The following SRGAP1 variants were observed in gnomAD, a reference collection of about 807,000 sequenced individuals.
The protein encoded by SRGAP1 is SLIT-ROBO Rho GTPase-activating protein 1.
A neutral mutation model predicts 121.9 loss-of-function variants in SRGAP1; 43 were observed. The observed-to-expected ratio is 0.35, with a 90% CI of 0.28 to 0.46. The LOEUF (loss-of-function observed/expected upper bound fraction) is 0.46, where lower values mean the gene tolerates loss of function less well. Ranked by LOEUF, SRGAP1 falls within the 20% of genes least tolerant of loss-of-function variation. The pLI, the probability that SRGAP1 is intolerant of heterozygous loss-of-function variation, is 1.00. For synonymous variants in SRGAP1, 447 were observed against 485.4 expected (o/e 0.92, Z 1.04); for missense variants, 1,102 against 1,350.9 (o/e 0.82, Z 2.89).
Position 64,159,190 on chromosome 12 carries a change from G to C in SRGAP1, c.*16518G>C, listed in dbSNP as rs966239751. ...TTTTAAAAAACTAGCTGTAGGGCAG[G>C]CACGGTGGTTCACACCTGTAATCCC... On this transcript the variant is annotated 3_prime_UTR_variant, in exon 22 of 22. Transcript: ENST00000355086. 6.6e-6 allele frequency: 1 copy of C among 152,578 alleles called. No homozygotes were observed. The highest frequency in any genetic ancestry group is 1.5e-5 in the Non-Finnish European group (1 of 68,398). The allele number at this position is 152,578 out of a possible 1,614,324, so 9.5% of individuals were successfully genotyped here.
chr12:64,095,335 T>A, intron 14 of SRGAP1, 131 bp downstream of exon 14: 1 of 710,212 alleles, frequency 1.4e-6, no homozygotes, highest in Non-Finnish European at 2.4e-6. Flanking sequence ...GGTGCAGCAG[T>A]AAGAATCCAT....
chr12:63,888,062 A>T (rs1332737500), intron 1 of SRGAP1: 1 of 152,180 alleles, frequency 6.6e-6, no homozygotes, highest in Non-Finnish European at 1.5e-5. Flanking sequence ...AAATGTTGGC[A>T]TAGAGTTTAT....
chr12:63,973,640 T>A (rs889465690), intron 1 of SRGAP1, among the ~76,000 whole-genome samples: 1 of 152,188 alleles, frequency 6.6e-6, no homozygotes, highest in African/African-American at 2.4e-5. Context: ...GTAGACATTT[T>A]AAAATTGGAA....
intron 1 of SRGAP1, among the ~76,000 whole-genome samples, chr12:63,861,092 T>C (rs1899429956): frequency 6.6e-6 from 1 of 151,416 alleles, no homozygotes; most frequent in Non-Finnish European, 1.5e-5. Context: ...TTTTATTTAA[T>C]TTCTCAGTTA....
Position 64,016,409 on chromosome 12 carries a change from C to T in SRGAP1, c.427-541C>T, listed in dbSNP as rs374845763. The stretch of plus-strand genomic sequence containing the variant: ...GGCTGAGGTGGGAGGATTGCTTGAA[C>T]CCAGGGGTTCAAGGTTGCGGTGAGC... On this transcript the variant is annotated intron_variant, in intron 3 of 21. Coordinates refer to ENST00000355086, the MANE Select transcript of SRGAP1 (RefSeq NM_020762.4). Among the ~76,000 whole-genome samples the T allele has an allele frequency of 6.6e-5, 10 of 152,236 alleles. No individual in the cohort carries two copies. The East Asian group carries it at 1.9e-3, about 29-fold the overall frequency.
At chr12:63,894,424 C>T (rs1308611092) in intron 1 of SRGAP1, among the ~76,000 whole-genome samples, 6 of 152,022 alleles carry the variant, frequency 3.9e-5, no homozygotes, top group African/African-American at 9.7e-5. Context: ...AGTCTCTTCG[C>T]TCATTGTAGC....
chr12:64,115,844 G>A lies in SRGAP1; in HGVS notation c.2175G>A (p.Leu725=). 6.2e-7 allele frequency: 1 copy of A among 1,613,722 alleles called. No homozygotes were observed. Residue 725 remains leucine, a synonymous_variant, in exon 18 of 22, where the codon TTG becomes TTA. Coordinates refer to ENST00000355086, the MANE Select transcript of SRGAP1 (RefSeq NM_020762.4). ...CDSPYSEHGT[L]EEVDQDAGTE... ...GCCCATACAGTGAGCACGGTACATTGGAGGAAGTGGACCAAGATGCTGGTA... is the reference window on the plus strand; with the variant it reads ...GCCCATACAGTGAGCACGGTACATTAGAGGAAGTGGACCAAGATGCTGGTA...
intron 8 of SRGAP1, among the ~76,000 whole-genome samples, chr12:64,071,022 A>G (rs1365133413): frequency 6.6e-6 from 1 of 152,136 alleles, no homozygotes; most frequent in Non-Finnish European, 1.5e-5. Flanking sequence ...TACTGATTTA[A>G]GTATCTTTGA....
intron 1 of SRGAP1, among the ~76,000 whole-genome samples, chr12:63,935,253 C>T (rs1054340617): frequency 3.2e-4 from 49 of 152,150 alleles, no homozygotes; most frequent in Admixed American, 2.5e-3. Flanking sequence ...CTTTATGCCT[C>T]GTGGAATTGT....
At chr12:63,936,145 GCAGGACGTA>G (rs2031654931) in intron 1 of SRGAP1, among the ~76,000 whole-genome samples, 3 of 152,116 alleles carry the variant, frequency 2.0e-5, no homozygotes, top group African/African-American at 7.2e-5. Flanking sequence ...CCAACAGTGT[GCAGGACGTA>G]CCAAATGAGA....
intron 10 of SRGAP1, among the ~76,000 whole-genome samples, chr12:64,084,190 G>T (rs1276021364): frequency 6.6e-6 from 1 of 152,082 alleles, no homozygotes; most frequent in Non-Finnish European, 1.5e-5. Context: ...TTAACTATAT[G>T]TAGGAGATAA....
At chr12:64,024,169 C>T (rs755536499) in intron 4 of SRGAP1, among the ~76,000 whole-genome samples, 1 of 152,134 alleles carries the variant, frequency 6.6e-6, no homozygotes, top group Non-Finnish European at 1.5e-5. Flanking sequence ...TGGTGATTCA[C>T]GTCTGTAATC....
At chr12:64,126,634 T>C (rs1178669589) in intron 19 of SRGAP1, among the ~76,000 whole-genome samples, 2 of 152,168 alleles carry the variant, frequency 1.3e-5, no homozygotes, top group African/African-American at 4.8e-5. Flanking sequence ...AGTCATAACA[T>C]ATTAAGTGAA....
At chr12:63,958,902 A>G (rs554846886) in intron 1 of SRGAP1, among the ~76,000 whole-genome samples, 27 of 152,296 alleles carry the variant, frequency 1.8e-4, no homozygotes, top group African/African-American at 6.5e-4. Context: ...AGTCCCATTT[A>G]TGTAAAGCAT....
intron 10 of SRGAP1, chr12:64,081,392 T>C (rs2035836474): frequency 6.6e-6 from 1 of 151,706 alleles, no homozygotes; most frequent in Non-Finnish European, 1.5e-5. Context: ...CCTCAGGGAA[T>C]GACCACATGG....
chr12:63,923,455 A>T (rs980770904), intron 1 of SRGAP1, among the ~76,000 whole-genome samples: 1 of 152,138 alleles, frequency 6.6e-6, no homozygotes, highest in Admixed American at 6.5e-5. Flanking sequence ...ATCTGTTGTA[A>T]TTTTTTTAAC....
intron 7 of SRGAP1, among the ~76,000 whole-genome samples, chr12:64,064,707 C>T (rs541463203): frequency 1.3e-5 from 2 of 152,318 alleles, no homozygotes; most frequent in Admixed American, 6.5e-5. Flanking sequence ...GTACAACTGA[C>T]GGACTCGAGA....
At position 64,097,238 on chromosome 12, in the gene SRGAP1, TAG is replaced by T; in HGVS notation, c.1679-2_1679-1del. 1 of 1,567,978 alleles carries T rather than the reference TAG, an allele frequency of 6.4e-7. No individual in the cohort carries two copies. The highest frequency in any genetic ancestry group is 8.6e-7 in the Non-Finnish European group (1 of 1,168,266). On this transcript the variant is annotated splice_acceptor_variant, in intron 14 of 21. Coordinates refer to ENST00000355086, the MANE Select transcript of SRGAP1 (RefSeq NM_020762.4). LOFTEE classifies it high-confidence loss of function. ...ATGTAATGAGTTTTTTTTTTTTTTT[TAG>T]GTGAAAATCCTTTGGCTGATGACCA...
chr12:63,878,487 A>G (rs1398524669), intron 1 of SRGAP1, among the ~76,000 whole-genome samples: 1 of 152,168 alleles, frequency 6.6e-6, no homozygotes, highest in Non-Finnish European at 1.5e-5. Flanking sequence ...ATTGTTCATT[A>G]CTTCATTCCT....
Sources: gnomAD v4.1 joint callset for allele counts (sites outside exome capture counted in the v4.1 genomes callset) on GRCh38, gnomAD v4.1.1 for gene constraint, MANE v1.5 for transcripts, NCBI Gene and HGNC (gene_info 2026-07-23, HGNC 2026-07-21) for gene names.